The following CMTR1 variants were observed in gnomAD, a reference collection of about 807,000 sequenced individuals.
CMTR1 encodes cap methyltransferase 1.
Under a neutral mutation model 107.0 loss-of-function variants are expected in CMTR1, and 39 were observed. The ratio of observed to expected loss-of-function variants is 0.36; its 90% confidence interval spans 0.28 to 0.48. The LOEUF (loss-of-function observed/expected upper bound fraction) is 0.48, where lower values mean the gene tolerates loss of function less well. CMTR1 is among the 20% of genes least tolerant of loss of function. The pLI is 0.99. For synonymous variants in CMTR1, 366 were observed against 379.5 expected, an observed-to-expected ratio of 0.96 and a Z score of 0.41; for missense variants, 672 against 1,064.9, an observed-to-expected ratio of 0.63 and a Z score of 5.14.
intron 19 of CMTR1, chr6:37,475,679 T>C: frequency 1.8e-6 from 1 of 554,678 alleles, no homozygotes. Flanking sequence ...GGTATTTATG[T>C]TAAGGTTGAG....
rs1761334098 is a variant in CMTR1, at chr6:37,458,106, G to A, written c.778-506G>A. On this transcript the variant is annotated intron_variant, in intron 8 of 23. Transcript: ENST00000373451. The surrounding 1 kb of genome is among the most constrained non-coding windows in gnomAD (Gnocchi z 4.7). ...GTCTCGGTCTGTCGCCCAGGCTCAAGTGCAGTGGCGCGATCTCAGCTCACT... is the reference window on the plus strand; with the variant it reads ...GTCTCGGTCTGTCGCCCAGGCTCAAATGCAGTGGCGCGATCTCAGCTCACT... Among the ~76,000 whole-genome samples, 1 of 152,008 alleles carries A rather than the reference G, an allele frequency of 6.6e-6. No individual in the cohort carries two copies. The highest frequency in any genetic ancestry group is 2.4e-5 in the African/African-American group (1 of 41,384).
At chr6:37,474,867 C>T (rs921358161) in intron 18 of CMTR1, among the ~76,000 whole-genome samples, 3 of 152,130 alleles carry the variant, frequency 2.0e-5, no homozygotes, top group Non-Finnish European at 2.9e-5. Flanking sequence ...GAGGAGACCT[C>T]GATTGTCTCT....
At chr6:37,446,110 C>G (rs1266261546) in intron 3 of CMTR1, among the ~76,000 whole-genome samples, 181 bp from the exon 4 acceptor site, 1 of 152,198 alleles carries the variant, frequency 6.6e-6, no homozygotes, top group Non-Finnish European at 1.5e-5. Context: ...CAGCCAGCCA[C>G]TGGGCCCACA....
chr6:37,430,527 CT>C (rs1445019296), upstream of CMTR1, among the ~76,000 whole-genome samples: 1 of 151,752 alleles, frequency 6.6e-6, no homozygotes, highest in Non-Finnish European at 1.5e-5. Flanking sequence ...GAGTAGAAGC[CT>C]TTTATTTTGA....
intron 20 of CMTR1, 90 bp downstream of exon 20, chr6:37,476,284 C>A: frequency 7.4e-7 from 1 of 1,357,766 alleles, no homozygotes; most frequent in Non-Finnish European, 1.0e-6. Flanking sequence ...CAGTGGAGGG[C>A]ACTAGGCAAG....
At chr6:37,449,836 A>C (rs563095137) in intron 4 of CMTR1, among the ~76,000 whole-genome samples, 27 of 152,328 alleles carry the variant, frequency 1.8e-4, no homozygotes, top group Non-Finnish European at 3.4e-4. Context: ...TCTTTCTGAT[A>C]TACTTATCTT....
intron 13 of CMTR1, among the ~76,000 whole-genome samples, chr6:37,466,854 T>C (rs998759966): frequency 1.2e-4 from 18 of 152,134 alleles, no homozygotes; most frequent in African/African-American, 4.3e-4. Flanking sequence ...TATATAATTT[T>C]TAATGTTATA....
intron 19 of CMTR1, 114 bp downstream of exon 19, chr6:37,475,526 C>T (rs537100828): frequency 1.3e-5 from 11 of 847,624 alleles, no homozygotes; most frequent in African/African-American, 8.4e-5. Flanking sequence ...TGTTGACATC[C>T]TGAGAGTTTC....
chr6:37,448,973 C>T (rs982531582), intron 4 of CMTR1, among the ~76,000 whole-genome samples: 10 of 152,126 alleles, frequency 6.6e-5, no homozygotes, highest in African/African-American at 1.4e-4. Context: ...CAAGGTCTTG[C>T]GCTGTTGCCC....
intron 13 of CMTR1, among the ~76,000 whole-genome samples, chr6:37,466,162 G>A (rs1761508286): frequency 6.8e-6 from 1 of 147,280 alleles, no homozygotes; most frequent in Admixed American, 6.8e-5. Flanking sequence ...TACCAGGCTG[G>A]AGTACAGTGG....
intron 18 of CMTR1, 106 bp downstream of exon 18, chr6:37,474,752 T>C: frequency 6.6e-7 from 1 of 1,516,144 alleles, no homozygotes. Context: ...GTGTGGTGGC[T>C]GACAGGGCCC....
intron 13 of CMTR1, among the ~76,000 whole-genome samples, chr6:37,468,315 T>A (rs1177295440): frequency 2.0e-5 from 3 of 152,200 alleles, no homozygotes; most frequent in Non-Finnish European, 4.4e-5. Flanking sequence ...CTTTGTGTTT[T>A]TGTTTTTATA....
intron 4 of CMTR1, among the ~76,000 whole-genome samples, chr6:37,448,326 C>G (rs111368175): frequency 6.6e-6 from 1 of 151,810 alleles, no homozygotes; most frequent in Non-Finnish European, 1.5e-5. Context: ...CGGATAAATG[C>G]TCAGTGGCTA....
rs1742024005 is a variant in CMTR1, at chr6:37,478,446, C to T, written c.2191C>T (p.Pro731Ser). Reference protein sequence around the residue: ...MKIIKGSSGTPKLSYTGRDDR... With the variant: ...MKIIKGSSGTSKLSYTGRDDR... ...GATCATCAAGGGCTCCAGTGGCACC[C>T]CAAAGCTCAGCTACACAGGGCGTGA... The change falls in exon 22 of 24, where the codon CCA (proline) becomes TCA (serine). Residue 731 changes from proline to serine, a missense_variant. Transcript: ENST00000373451. The T allele has an allele frequency of 6.2e-7, 1 of 1,613,942 alleles. No homozygotes were observed. Among genetic ancestry groups the T allele is most frequent in the Non-Finnish European group, 8.5e-7 (1 of 1,179,996 alleles).
At chr6:37,439,402 T>A (rs1017463251) in intron 2 of CMTR1, among the ~76,000 whole-genome samples, 9 of 152,222 alleles carry the variant, frequency 5.9e-5, no homozygotes, top group Non-Finnish European at 1.3e-4. Flanking sequence ...GCATCTGGTG[T>A]AGGCTCCTAG....
At position 37,480,444 on chromosome 6, in the gene CMTR1, G is replaced by A; in HGVS notation, c.*299G>A. Reference sequence around the variant, plus strand: ...AGTGCCTAGGGCACGTGGGACTGATGGAGGACATATCAGAGTGGCAGAGCT... The same window carrying A: ...AGTGCCTAGGGCACGTGGGACTGATAGAGGACATATCAGAGTGGCAGAGCT... On this transcript the variant is annotated 3_prime_UTR_variant, in exon 24 of 24. Coordinates refer to ENST00000373451, the MANE Select transcript of CMTR1 (RefSeq NM_015050.3). The A allele has an allele frequency of 8.2e-7, 1 of 1,216,656 alleles. No individual in the cohort carries two copies. The highest frequency in any genetic ancestry group is 1.0e-6 in the Non-Finnish European group (1 of 975,106). The allele number at this position is 1,216,656 out of a possible 1,614,324, so 75.4% of individuals were successfully genotyped here. A position where few individuals can be genotyped will look rare whatever the true frequency, so the allele number is the denominator to read the frequency against.
intron 5 of CMTR1, among the ~76,000 whole-genome samples, chr6:37,450,761 T>C (rs1010435062): frequency 5.9e-5 from 9 of 152,230 alleles, no homozygotes; most frequent in Non-Finnish European, 7.3e-5. Context: ...AGTAGATGGC[T>C]ACCAAATCAA....
chr6:37,456,899 A>G (rs115443849), intron 8 of CMTR1, among the ~76,000 whole-genome samples: 539 of 152,222 alleles, frequency 3.5e-3, no homozygotes, highest in African/African-American at 0.012. Context: ...ATGGTCCAGT[A>G]CTGGGTTCAG....
intron 12 of CMTR1, 47 bp downstream of exon 12, chr6:37,462,149 A>G: frequency 3.1e-6 from 5 of 1,607,774 alleles, no homozygotes; most frequent in Non-Finnish European, 4.3e-6. Flanking sequence ...GCTAAATGTC[A>G]GAACAGCAAA....
Sources: allele counts gnomAD v4.1 joint callset (sites outside exome capture counted in the v4.1 genomes callset), GRCh38; gene constraint gnomAD v4.1.1; non-coding constraint Gnocchi (gnomAD v3.1); transcripts MANE v1.5; gene names NCBI Gene and HGNC (gene_info 2026-07-23, HGNC 2026-07-21).